Variants in MCPH1 observed in about 807,000 individuals in gnomAD.
The protein encoded by MCPH1 is microcephalin 1.
MCPH1 carries 104 observed loss-of-function variants against 84.5 expected under a neutral mutation model. The observed-to-expected ratio is 1.23, with a 90% confidence interval of 1.05 to 1.45. The LOEUF (loss-of-function observed/expected upper bound fraction) is 1.45, where lower values mean the gene tolerates loss of function less well. Ranked by LOEUF, MCPH1 falls within the 40% of genes most tolerant of loss-of-function variation. MCPH1 has a pLI of 0.00. For synonymous variants in MCPH1, 514 were observed against 366.8 expected (o/e 1.40, Z -4.58); for missense variants, 1,498 against 1,005.7 (o/e 1.49, Z -6.62).
At chr8:6,461,289 C>G (rs529951253) in intron 9 of MCPH1, among the ~76,000 whole-genome samples, 1 of 140,492 alleles carries the variant, frequency 7.1e-6, no homozygotes, top group Non-Finnish European at 1.5e-5. Flanking sequence ...TTTTTTTAGA[C>G]TTATTTTAAA....
intron 9 of MCPH1, among the ~76,000 whole-genome samples, chr8:6,475,333 C>G (rs1269937388): frequency 1.3e-5 from 2 of 152,234 alleles, no homozygotes; most frequent in Non-Finnish European, 2.9e-5. Context: ...ATGCTTTGTT[C>G]TCTAAACCAG....
rs1208842915 is a variant in MCPH1 at position 6,621,581 on chromosome 8, T to C, written c.2342T>C (p.Leu781Pro). Residue 781 changes from leucine (L) to proline (P), a missense_variant, in exon 13 of 14, where the codon CTG becomes CCG. Physicochemically the swap from Leu to Pro is moderately conservative, Grantham distance 98. Coordinates refer to ENST00000344683, the MANE Select transcript of MCPH1 (RefSeq NM_024596.5). ...GCCAAGCTCTGTGAACTAGTCCACC[T>C]GTGCGGAGGCCGGGTCAGCCAAGTC... ...PVAKLCELVH[L>P]CGGRVSQVPR... 1 of 1,614,104 alleles carries C rather than the reference T, an allele frequency of 6.2e-7. No individual in the cohort carries two copies.
chr8:6,421,529 G>A (rs1265578556), intron 3 of MCPH1, among the ~76,000 whole-genome samples: 8 of 150,552 alleles, frequency 5.3e-5, no homozygotes. Context: ...GGCCCATGAG[G>A]TAAGAATGGT....
At chr8:6,623,020 T>C (rs1831631929) in intron 13 of MCPH1, among the ~76,000 whole-genome samples, 2 of 146,356 alleles carry the variant, frequency 1.4e-5, no homozygotes, top group South Asian at 4.4e-4. Context: ...TTTCTTTTTT[T>C]TTTTTTTTTT....
At chr8:6,423,356 G>C (rs1354620613) in intron 3 of MCPH1, among the ~76,000 whole-genome samples, 1 of 149,806 alleles carries the variant, frequency 6.7e-6, no homozygotes, top group African/African-American at 2.5e-5. Context: ...TAGTAGAGAC[G>C]GGGTTTCACC....
At position 6,414,798 on chromosome 8, in the gene MCPH1, G is replaced by A. The variant is rs779924077; in HGVS notation, c.148G>A (p.Val50Ile). The A allele has an allele frequency of 1.9e-5, 30 of 1,613,628 alleles. No individual in the cohort carries two copies. The highest frequency in any genetic ancestry group is 1.6e-4 in the Middle Eastern group (1 of 6,080). ...SKTFNKQVTH[V>I]IFKDGYQSTW... ...AACTTTTAACAAACAAGTAACTCAC[G>A]TTATCTTCAAAGATGGCTACCAGAG... The change falls in exon 3 of 14, where the codon GTT becomes ATT. Residue 50 changes from valine (V) to isoleucine (I), a missense_variant. By Grantham distance (29) the Val-to-Ile change is conservative. Transcript: ENST00000344683.
intron 12 of MCPH1, among the ~76,000 whole-genome samples, chr8:6,509,676 C>G (rs973494645): frequency 5.3e-5 from 8 of 152,214 alleles, no homozygotes; most frequent in African/African-American, 1.9e-4. Context: ...CGATCCCTGA[C>G]TTCCCATGGG....
At chr8:6,435,443 T>A (rs926478026) in intron 4 of MCPH1, among the ~76,000 whole-genome samples, 1 of 152,130 alleles carries the variant, frequency 6.6e-6, no homozygotes, top group African/African-American at 2.4e-5. Flanking sequence ...GAAAACAAAG[T>A]GTGATCTGAT....
rs138701175 is a variant in MCPH1 at position 6,632,611 on chromosome 8, C to T, written c.2453-10383C>T. 1.1e-4 allele frequency among the ~76,000 whole-genome samples: 17 copies of T among 152,212 alleles called. No homozygotes were observed. The East Asian group carries it at 3.1e-3, about 28-fold the overall frequency. On this transcript the variant is annotated intron_variant, in intron 13 of 13. Coordinates refer to ENST00000344683, the MANE Select transcript of MCPH1 (RefSeq NM_024596.5). The stretch of plus-strand genomic sequence containing the variant: ...GATCACAAGGTCAGGAGATCGAGAC[C>T]ATCCTGGCTAACACAGTGAAACCCC...
intron 12 of MCPH1, among the ~76,000 whole-genome samples, chr8:6,558,579 A>T (rs1208657465): frequency 6.6e-6 from 1 of 152,180 alleles, no homozygotes; most frequent in Non-Finnish European, 1.5e-5. Context: ...AACCTGTTTG[A>T]CAACTGTAAA....
chr8:6,613,862 G>C (rs1044540594), intron 12 of MCPH1, among the ~76,000 whole-genome samples: 1 of 152,144 alleles, frequency 6.6e-6, no homozygotes, highest in African/African-American at 2.4e-5. Flanking sequence ...TGATCGCCAA[G>C]GGAGAAGACT....
chr8:6,513,936 T>A, intron 12 of MCPH1: 2 of 1,212,564 alleles, frequency 1.6e-6, no homozygotes, highest in Non-Finnish European at 2.3e-6. Context: ...ATAGAATAAC[T>A]ATCAAATAGC....
chr8:6,605,956 C>G (rs1208974049), intron 12 of MCPH1, among the ~76,000 whole-genome samples: 3 of 152,182 alleles, frequency 2.0e-5, no homozygotes, highest in African/African-American at 7.2e-5. Flanking sequence ...CTTGGCCCCC[C>G]AGAATGCTGG....
intron 12 of MCPH1, among the ~76,000 whole-genome samples, chr8:6,618,097 T>G (rs553252271): frequency 6.6e-6 from 1 of 152,332 alleles, no homozygotes; most frequent in Admixed American, 6.5e-5. Flanking sequence ...AGCACATTGC[T>G]GTAAATTGCG....
intron 13 of MCPH1, chr8:6,626,160 C>T: frequency 6.1e-6 from 6 of 985,320 alleles, no homozygotes; most frequent in Non-Finnish European, 7.2e-6. Context: ...GACCTCAGCT[C>T]TGAGGTGACC....
chr8:6,572,989 C>G (rs563934690), intron 12 of MCPH1, among the ~76,000 whole-genome samples: 11 of 152,324 alleles, frequency 7.2e-5, no homozygotes, highest in African/African-American at 2.4e-4. Flanking sequence ...AAGACCAAAA[C>G]TGAGGGAAAT....
intron 12 of MCPH1, among the ~76,000 whole-genome samples, chr8:6,609,812 G>GCCCCCC (rs1162008291): frequency 1.2e-4 from 6 of 51,610 alleles, no homozygotes; most frequent in South Asian, 7.9e-4. Context: ...TCAAAGCAAT[G>GCCCCCC]CCCCCCGCCC....
At chr8:6,409,977 T>C (rs1051419655) in intron 2 of MCPH1, among the ~76,000 whole-genome samples, 2 of 121,062 alleles carry the variant, frequency 1.7e-5, no homozygotes, top group Admixed American at 8.5e-5. Flanking sequence ...TAGGGAGTAA[T>C]TTTTTTTTTT....
chr8:6,506,667 C>G (rs1205220695), intron 12 of MCPH1, among the ~76,000 whole-genome samples: 1 of 151,864 alleles, frequency 6.6e-6, no homozygotes, highest in Admixed American at 6.6e-5. Flanking sequence ...AAACAGGAAG[C>G]TTTTGCAAAA....
Sources: allele counts gnomAD v4.1 joint callset (sites outside exome capture counted in the v4.1 genomes callset), GRCh38; gene constraint gnomAD v4.1.1; transcripts MANE v1.5; gene names NCBI Gene and HGNC (gene_info 2026-07-23, HGNC 2026-07-21).